DNAH14: variants seen among roughly 807,000 people sequenced by gnomAD.
DNAH14 encodes the protein axonemal beta dynein heavy chain 14.
Under a neutral mutation model 520.9 loss-of-function variants are expected in DNAH14, and 478 were observed. The ratio of observed to expected loss-of-function variants is 0.92; its 90% CI spans 0.85 to 0.99. The LOEUF is 0.99. Among genes scored for constraint, DNAH14 ranks in the 50% least tolerant of loss-of-function variants. DNAH14 has a pLI of 0.00. For synonymous variants in DNAH14, 1,581 were observed against 1,757.2 expected (o/e 0.90, Z 2.51); for missense variants, 4,831 against 5,234.5 (o/e 0.92, Z 2.38).
chr1:225,258,835 G>A (rs544871017), intron 45 of DNAH14, among the ~76,000 whole-genome samples: 1 of 152,212 alleles, frequency 6.6e-6, no homozygotes, highest in Non-Finnish European at 1.5e-5. Context: ...TATGTTTCAT[G>A]TTGTAGTTCT....
At chr1:225,006,918 C>A (rs977032101) in intron 9 of DNAH14, among the ~76,000 whole-genome samples, 13 of 152,156 alleles carry the variant, frequency 8.5e-5, no homozygotes, top group Admixed American at 8.5e-4. Flanking sequence ...TGATGTCACC[C>A]CCAGAGGCCC....
chr1:225,198,236 T>A (rs909381346), intron 38 of DNAH14, among the ~76,000 whole-genome samples: 4 of 147,318 alleles, frequency 2.7e-5, no homozygotes, highest in African/African-American at 7.6e-5. Flanking sequence ...TTTTTTTTTT[T>A]AGATGGAGTC....
At chr1:225,371,815 G>A (rs927081839) in intron 77 of DNAH14, among the ~76,000 whole-genome samples, 1 of 152,102 alleles carries the variant, frequency 6.6e-6, no homozygotes, top group East Asian at 1.9e-4. Context: ...CAGCAGTGAT[G>A]AAAAAATTTA....
chr1:225,369,175 C>T (rs890592783), intron 77 of DNAH14, among the ~76,000 whole-genome samples: 1 of 150,420 alleles, frequency 6.6e-6, no homozygotes, highest in Non-Finnish European at 1.5e-5. Context: ...ATCAAGATAT[C>T]AAAATAAAAG....
chr1:225,343,638 A>G (rs1286630796), intron 69 of DNAH14, among the ~76,000 whole-genome samples: 1 of 152,236 alleles, frequency 6.6e-6, no homozygotes, highest in Non-Finnish European at 1.5e-5. Flanking sequence ...ATTTTTTATT[A>G]TGAAATTTTA....
intron 61 of DNAH14, among the ~76,000 whole-genome samples, chr1:225,319,715 AGGCCCTGTTCTG>A (rs2094527037): frequency 6.6e-6 from 1 of 152,196 alleles, no homozygotes; most frequent in African/African-American, 2.4e-5. Flanking sequence ...ATTAAGTGCC[AGGCCCTGTTCTG>A]GGCACTGAGG....
At position 225,204,122 on chromosome 1, in the gene DNAH14, C is replaced by A. The variant is rs1332791755; in HGVS notation, c.5887-61C>A. 3.6e-6 allele frequency: 3 copies of A among 835,492 alleles called. No individual in the cohort carries two copies. The African/African-American group carries it at 5.4e-5, about 15-fold the overall frequency. The allele number at this position is 835,492 out of a possible 1,614,324, so 51.8% of individuals were successfully genotyped here. A position where few individuals can be genotyped will look rare whatever the true frequency, so the allele number is the denominator to read the frequency against. On this transcript the variant is annotated intron_variant, in intron 38 of 85. Transcript: ENST00000682510. ...TCAAGAAAGCATATTGACATATAAT[C>A]CATTGTAGTTGAAAAGTGTTATTAA...
rs1368076868 is a variant in DNAH14 at position 224,964,514 on chromosome 1, A to G, written c.403A>G (p.Arg135Gly). 6.2e-7 allele frequency: 1 copy of G among 1,609,950 alleles called. No individual in the cohort carries two copies. The highest frequency in any genetic ancestry group is 2.2e-5 in the East Asian group (1 of 44,712). ...TGATGATGTGATAAGAAATATTATT[A>G]GGCTACGAGAAAAGCTTGGTTGGCA... ...KDDDVIRNII[R>G]LREKLGWQTI... Residue 135 changes from arginine (R) to glycine (G), a missense_variant, in exon 5 of 86, where the codon AGG (arginine) becomes GGG (glycine). Arg to Gly is a moderately radical substitution (Grantham distance 125). Transcript: ENST00000682510.
chr1:225,347,335 A>C (rs2095301130), intron 71 of DNAH14, among the ~76,000 whole-genome samples: 1 of 152,180 alleles, frequency 6.6e-6, no homozygotes, highest in Non-Finnish European at 1.5e-5. Context: ...GGCTATTGTA[A>C]AACCGAGAAG....
intron 27 of DNAH14, among the ~76,000 whole-genome samples, chr1:225,125,547 G>A (rs968319690): frequency 6.6e-6 from 1 of 152,172 alleles, no homozygotes. Context: ...TTCTTCTGCA[G>A]CATTCCTTAT....
chr1:224,988,126 T>C (rs765092278), intron 8 of DNAH14, among the ~76,000 whole-genome samples: 2 of 152,104 alleles, frequency 1.3e-5, no homozygotes, highest in Admixed American at 6.5e-5. Context: ...ATTGTTCAAC[T>C]CCCACTTATA....
At chr1:225,154,975 C>T (rs1033902280) in intron 34 of DNAH14, among the ~76,000 whole-genome samples, 5 of 151,864 alleles carry the variant, frequency 3.3e-5, no homozygotes, top group Non-Finnish European at 7.4e-5. Context: ...GGGCAAAGGA[C>T]ATCAACAGAT....
chr1:225,273,070 C>A lies in DNAH14; in HGVS notation c.7955C>A (p.Thr2652Asn). 6.4e-7 allele frequency: 1 copy of A among 1,551,632 alleles called. No homozygotes were observed. Among genetic ancestry groups the A allele is most frequent in the Non-Finnish European group, 8.7e-7 (1 of 1,146,982 alleles). The change falls in exon 52 of 86, where the codon ACT becomes AAT. Residue 2652 changes from threonine to asparagine, a missense_variant. Thr to Asn is a moderately conservative substitution (Grantham distance 65). Coordinates refer to ENST00000682510, the MANE Select transcript of DNAH14 (RefSeq NM_001367479.1). ...TTTCACGATCGCTTAATTGATTTCA[C>A]TGATAAAAGCCTTTTCTATCGGTTG... Reference protein sequence around the residue: ...RVFHDRLIDFTDKSLFYRLLS... With the variant: ...RVFHDRLIDFNDKSLFYRLLS...
At chr1:225,377,479 G>C in intron 79 of DNAH14, 43 bp downstream of exon 79, 1 of 1,509,850 alleles carries the variant, frequency 6.6e-7, no homozygotes, top group Non-Finnish European at 8.9e-7. Flanking sequence ...AAATTATCAG[G>C]CTGGGTCTGG....
At chr1:225,121,639 G>A (rs1188318211) in intron 26 of DNAH14, among the ~76,000 whole-genome samples, 3 of 152,018 alleles carry the variant, frequency 2.0e-5, no homozygotes, top group Admixed American at 6.6e-5. Flanking sequence ...TCAGGAGTTT[G>A]AGACCAGCCT....
intron 36 of DNAH14, among the ~76,000 whole-genome samples, chr1:225,183,435 G>T (rs549758837): frequency 6.6e-6 from 1 of 152,322 alleles, no homozygotes; most frequent in South Asian, 2.1e-4. Flanking sequence ...AAAGTTTATA[G>T]CACTGAATGC....
At chr1:224,947,216 C>A (rs1402944732) in intron 1 of DNAH14, among the ~76,000 whole-genome samples, 1 of 152,150 alleles carries the variant, frequency 6.6e-6, no homozygotes, top group African/African-American at 2.4e-5. Context: ...CCGCACCCAA[C>A]CTCATCTACA....
At chr1:225,290,992 G>C (rs965043758) in intron 55 of DNAH14, among the ~76,000 whole-genome samples, 1 of 151,492 alleles carries the variant, frequency 6.6e-6, no homozygotes, top group Non-Finnish European at 1.5e-5. Context: ...CTGTAATTTT[G>C]TATCCCTTAA....
intron 84 of DNAH14, chr1:225,396,594 C>CA (rs2096014381): frequency 6.6e-6 from 1 of 152,162 alleles, no homozygotes. Flanking sequence ...TCTTATGACT[C>CA]ACAGAGGGAG....
Sources: gnomAD v4.1 joint callset for allele counts (sites outside exome capture counted in the v4.1 genomes callset) on GRCh38, gnomAD v4.1.1 for gene constraint, MANE v1.5 for transcripts, NCBI Gene and HGNC (gene_info 2026-07-23, HGNC 2026-07-21) for gene names.